Variants in MAP7D2 observed in about 807,000 individuals in gnomAD.
MAP7D2 encodes the protein MAP7 domain-containing protein 2.
MAP7D2 carries 33 observed loss-of-function variants against 63.5 expected under a neutral mutation model. The observed-to-expected ratio is 0.52, with a 90% CI of 0.39 to 0.70. The LOEUF is 0.70. MAP7D2 is among the 30% of genes least tolerant of loss of function. MAP7D2 has a pLI of 0.00. For synonymous variants in MAP7D2, 224 were observed against 223.7 expected, an observed-to-expected ratio of 1.00 and a Z score of -0.01; for missense variants, 626 against 604.0, an observed-to-expected ratio of 1.04 and a Z score of -0.38.
chrX:20,060,413 GAAA>G (rs749590274), intron 3 of MAP7D2, among the ~76,000 whole-genome samples: 30 of 80,348 alleles, frequency 3.7e-4, no homozygotes, highest in East Asian at 2.2e-3. Flanking sequence ...GAAAAGAAAA[GAAA>G]AGAGAGAGAG....
At chrX:20,101,271 T>A (rs2066429243) in intron 1 of MAP7D2, among the ~76,000 whole-genome samples, 1 of 112,421 alleles carries the variant, frequency 8.9e-6, no homozygotes, top group Non-Finnish European at 1.9e-5. Flanking sequence ...GCTGAAGACA[T>A]GCCTATCCTA....
chrX:20,106,185 C>T (rs1370490194), intron 1 of MAP7D2, among the ~76,000 whole-genome samples: 1 of 112,156 alleles, frequency 8.9e-6, no homozygotes, highest in East Asian at 2.8e-4. Context: ...AACCTTAGCA[C>T]TTTTCCTCGA....
chrX:20,058,735 T>C (rs770119683), intron 3 of MAP7D2, among the ~76,000 whole-genome samples: 1 of 111,989 alleles, frequency 8.9e-6, no homozygotes, highest in African/African-American at 3.2e-5. Flanking sequence ...TATCACCCAC[T>C]TTTGGAGAGA....
At chrX:20,113,965 C>T (rs2066819155) in intron 1 of MAP7D2, among the ~76,000 whole-genome samples, 2 of 111,502 alleles carry the variant, frequency 1.8e-5, no homozygotes, top group African/African-American at 6.5e-5. Context: ...CCATTCCTAC[C>T]TCCTTCCCAC....
At chrX:20,107,604 G>T (rs1393893284) in intron 1 of MAP7D2, among the ~76,000 whole-genome samples, 1 of 108,887 alleles carries the variant, frequency 9.2e-6, no homozygotes, top group Non-Finnish European at 1.9e-5. Flanking sequence ...TTAATTACAT[G>T]CTGAAAGATA....
intron 1 of MAP7D2, among the ~76,000 whole-genome samples, chrX:20,093,902 A>C (rs1292515003): frequency 3.6e-5 from 4 of 111,073 alleles, no homozygotes; most frequent in Admixed American, 9.6e-5. Flanking sequence ...TGTATGACGT[A>C]TTAAAAAAAG....
intron 1 of MAP7D2, among the ~76,000 whole-genome samples, chrX:20,106,372 G>T (rs920213666): frequency 8.9e-6 from 1 of 112,140 alleles, no homozygotes; most frequent in African/African-American, 3.2e-5. Flanking sequence ...ATCCGGGCCT[G>T]CTTTGCCTGA....
intron 8 of MAP7D2, among the ~76,000 whole-genome samples, chrX:20,030,655 G>A: frequency 9.0e-6 from 1 of 111,605 alleles, no homozygotes; most frequent in Non-Finnish European, 1.9e-5. Context: ...TCCATGCACA[G>A]TGAGTGAACA....
intron 3 of MAP7D2, among the ~76,000 whole-genome samples, chrX:20,062,197 A>T (rs1653970014): frequency 8.9e-6 from 1 of 112,184 alleles, no homozygotes; most frequent in African/African-American, 3.2e-5. Context: ...CACCTCTTTT[A>T]ATTCCTGTAA....
intron 1 of MAP7D2, among the ~76,000 whole-genome samples, chrX:20,110,967 C>T (rs1301342363): frequency 9.0e-6 from 1 of 111,726 alleles, no homozygotes; most frequent in Non-Finnish European, 1.9e-5. Context: ...GACCACTGAA[C>T]ACAGCAAAAA....
At chrX:20,045,634 G>A (rs1201012187) in intron 6 of MAP7D2, among the ~76,000 whole-genome samples, 1 of 109,274 alleles carries the variant, frequency 9.2e-6, no homozygotes, top group African/African-American at 3.3e-5. Context: ...CATCAAACCT[G>A]GGGTGGTCTT....
intron 1 of MAP7D2, among the ~76,000 whole-genome samples, chrX:20,065,918 T>C (rs1164186187): frequency 1.3e-4 from 7 of 52,093 alleles, no homozygotes; most frequent in East Asian, 1.3e-3. Context: ...CACACCATTC[T>C]TTTTTTTTTT....
chrX:20,028,497 T>C (rs1354391423), intron 8 of MAP7D2, among the ~76,000 whole-genome samples: 2 of 112,329 alleles, frequency 1.8e-5, no homozygotes, highest in Non-Finnish European at 3.8e-5. Flanking sequence ...CAGTGCTCCA[T>C]TGAGCATGGT....
chrX:20,054,414 T>A (rs1247454322), intron 4 of MAP7D2, among the ~76,000 whole-genome samples: 1 of 111,672 alleles, frequency 9.0e-6, no homozygotes, highest in Non-Finnish European at 1.9e-5. Flanking sequence ...TTGTTTTGCA[T>A]TAATTTGGAT....
chrX:20,019,221 G>A (rs1236997480), intron 10 of MAP7D2, among the ~76,000 whole-genome samples: 1 of 110,191 alleles, frequency 9.1e-6, no homozygotes, highest in Non-Finnish European at 1.9e-5. Flanking sequence ...ATAGAGACAG[G>A]TCTCATTTTG....
intron 8 of MAP7D2, among the ~76,000 whole-genome samples, chrX:20,041,622 G>A (rs750874776): frequency 8.9e-5 from 10 of 112,037 alleles, no homozygotes; most frequent in Non-Finnish European, 1.5e-4. Context: ...CTGATACACT[G>A]AATAAGGTTT....
At chrX:20,054,651 A>G (rs969137597) in intron 4 of MAP7D2, among the ~76,000 whole-genome samples, 1 of 109,507 alleles carries the variant, frequency 9.1e-6, no homozygotes, top group Non-Finnish European at 1.9e-5. Flanking sequence ...CACTGGTACG[A>G]TCTCACTGCA....
At chrX:20,113,337 C>T (rs1349077234) in intron 1 of MAP7D2, among the ~76,000 whole-genome samples, 1 of 111,329 alleles carries the variant, frequency 9.0e-6, no homozygotes, top group African/African-American at 3.3e-5. Context: ...ACCTCCGCCT[C>T]CCGGGTTCAA....
chrX:20,066,969 G>C (rs1188821289), intron 1 of MAP7D2, among the ~76,000 whole-genome samples: 1 of 112,501 alleles, frequency 8.9e-6, no homozygotes, highest in Non-Finnish European at 1.9e-5. Context: ...TAGTGGAAGG[G>C]GAACAAGCAT....
Sources: allele counts gnomAD v4.1 joint callset (sites outside exome capture counted in the v4.1 genomes callset), GRCh38; gene constraint gnomAD v4.1.1; transcripts MANE v1.5; gene names NCBI Gene and HGNC (gene_info 2026-07-23, HGNC 2026-07-21).